PRDM6: variants seen among roughly 807,000 people sequenced by gnomAD.
The protein encoded by PRDM6 is putative histone-lysine N-methyltransferase PRDM6.
PRDM6 carries 25 observed loss-of-function variants against 60.8 expected under a neutral mutation model. That is an observed-to-expected ratio of 0.41 (90% CI 0.30 to 0.57). The LOEUF (loss-of-function observed/expected upper bound fraction) is 0.57, where lower values mean the gene tolerates loss of function less well. Among genes scored for constraint, PRDM6 ranks in the 20% least tolerant of loss-of-function variants. PRDM6 has a pLI of 0.27. For missense variants in PRDM6, 839 were observed against 821.3 expected (o/e 1.02, Z -0.26); for synonymous variants, 407 against 357.4 (o/e 1.14, Z -1.57).
chr5:123,181,692 TAGGAGACTAATCCCCC>T (rs1028061901), intron 7 of PRDM6, among the ~76,000 whole-genome samples: 1 of 152,198 alleles, frequency 6.6e-6, no homozygotes, highest in Non-Finnish European at 1.5e-5. Context: ...ATTCAGGCAG[TAGGAGACTAATCCCCC>T]TGCTCAGTCT....
At chr5:123,101,610 C>G (rs1052070920) in intron 3 of PRDM6, among the ~76,000 whole-genome samples, 1 of 152,166 alleles carries the variant, frequency 6.6e-6, no homozygotes, top group African/African-American at 2.4e-5. Flanking sequence ...TACAAATTTA[C>G]TCTACCTGAA....
At position 123,161,752 on chromosome 5, in the gene PRDM6, C is replaced by G. The variant is rs186823072; in HGVS notation, c.1153+2114C>G. 2.7e-3 allele frequency among the ~76,000 whole-genome samples: 415 copies of G among 152,312 alleles called. 2 individuals are homozygous for G. Among genetic ancestry groups the G allele is most frequent in the African/African-American group, 9.9e-3 (410 of 41,556 alleles). On this transcript the variant is annotated intron_variant, in intron 5 of 7. Coordinates refer to ENST00000407847, the MANE Select transcript of PRDM6 (RefSeq NM_001136239.4). ...CTTGTAGGGCCCTAGAGGCCATTGT[C>G]AGGACCCTGGCTCTAACTCTGTGTG... is the stretch of plus-strand genomic sequence containing the variant.
intron 2 of PRDM6, among the ~76,000 whole-genome samples, chr5:123,094,568 G>A (rs1763916447): frequency 3.3e-5 from 5 of 152,080 alleles, no homozygotes; most frequent in Admixed American, 3.3e-4. Context: ...TTAGATTGAG[G>A]TTAGAAGAGG....
intron 3 of PRDM6, among the ~76,000 whole-genome samples, chr5:123,118,990 A>C (rs955719561): frequency 2.6e-5 from 4 of 152,174 alleles, no homozygotes; most frequent in African/African-American, 9.6e-5. Flanking sequence ...AATGGCACTG[A>C]GTTGTGTTCA....
chr5:123,159,121 G>A (rs1765571261), intron 4 of PRDM6, among the ~76,000 whole-genome samples: 2 of 152,122 alleles, frequency 1.3e-5, no homozygotes, highest in African/African-American at 2.4e-5. Context: ...TACATTTAAT[G>A]CTTTTCCTTC....
chr5:123,115,954 C>T (rs552337238), intron 3 of PRDM6, among the ~76,000 whole-genome samples: 1 of 152,312 alleles, frequency 6.6e-6, no homozygotes, highest in African/African-American at 2.4e-5. Flanking sequence ...CACAGAGGAA[C>T]TCCCTCTATA....
At chr5:123,100,436 G>A (rs1764075627) in intron 3 of PRDM6, among the ~76,000 whole-genome samples, 1 of 152,220 alleles carries the variant, frequency 6.6e-6, no homozygotes, top group Non-Finnish European at 1.5e-5. Context: ...AGGGGAGGAA[G>A]GAGAGGCTGG....
At chr5:123,135,335 C>T (rs1764930763) in intron 3 of PRDM6, among the ~76,000 whole-genome samples, 1 of 152,114 alleles carries the variant, frequency 6.6e-6, no homozygotes, top group Non-Finnish European at 1.5e-5. Context: ...ATCTTTAAGG[C>T]AACATTAAGA....
Position 123,189,319 on chromosome 5 carries a change from A to G in PRDM6, c.*2118A>G, listed in dbSNP as rs537197121. 2 of 152,296 alleles carry G rather than the reference A, an allele frequency of 1.3e-5. No homozygotes were observed. Among genetic ancestry groups the G allele is most frequent in the South Asian group, 4.1e-4 (2 of 4,820 alleles). 9.4% of individuals were successfully genotyped at this position (152,296 alleles called of 1,614,324 possible). On this transcript the variant is annotated 3_prime_UTR_variant, in exon 8 of 8. Transcript: ENST00000407847. ...GATTTACTCAAACTTTTTGAAAACA[A>G]CAGTAGGGAATCACCTGTATATTTC... is the stretch of plus-strand genomic sequence containing the variant.
At chr5:123,151,352 G>A (rs1765365675) in intron 3 of PRDM6, among the ~76,000 whole-genome samples, 2 of 152,120 alleles carry the variant, frequency 1.3e-5, no homozygotes, top group African/African-American at 2.4e-5. Context: ...GAACCCGTTC[G>A]GGGAGGAGCA....
intron 3 of PRDM6, among the ~76,000 whole-genome samples, chr5:123,141,536 T>G (rs1765101463): frequency 1.3e-5 from 2 of 152,164 alleles, no homozygotes; most frequent in Non-Finnish European, 1.5e-5. Flanking sequence ...TTTTGCTTAC[T>G]CTATAGAGTT....
chr5:123,186,680 C>T lies in PRDM6; in HGVS notation c.1674-407C>T, dbSNP rs1766295865. Reference sequence around the variant, plus strand: ...TGCTGTTCTGAAGGGAGTAGAATTCCCAATTGTAAATTAGCAGTAGGTGAA... The same window carrying T: ...TGCTGTTCTGAAGGGAGTAGAATTCTCAATTGTAAATTAGCAGTAGGTGAA... On this transcript the variant is annotated intron_variant, in intron 7 of 7. Coordinates refer to ENST00000407847, the MANE Select transcript of PRDM6 (RefSeq NM_001136239.4). 2.0e-5 allele frequency among the ~76,000 whole-genome samples: 3 copies of T among 152,160 alleles called. No individual in the cohort carries two copies. In the South Asian group the frequency reaches 6.2e-4, roughly 32 times the overall value.
At chr5:123,163,226 TTTG>T (rs1165570412) in intron 5 of PRDM6, among the ~76,000 whole-genome samples, 2 of 152,232 alleles carry the variant, frequency 1.3e-5, no homozygotes, top group African/African-American at 2.4e-5. Context: ...AGGCAGATTT[TTTG>T]TTGTTGTTAA....
At chr5:123,121,430 A>G (rs74661587) in intron 3 of PRDM6, among the ~76,000 whole-genome samples, 25,205 of 152,002 alleles carry the variant, frequency 0.17, 2,528 homozygotes, top group East Asian at 0.51. Flanking sequence ...TCACCCAGAC[A>G]GGAGTGCAGT....
chr5:123,118,896 G>C (rs1764516717), intron 3 of PRDM6, among the ~76,000 whole-genome samples: 1 of 152,146 alleles, frequency 6.6e-6, no homozygotes, highest in Admixed American at 6.5e-5. Context: ...GAACAAAAGA[G>C]GAGTGTCTTA....
chr5:123,159,682 A>G, intron 5 of PRDM6, 44 bp downstream of exon 5: 1 of 1,536,384 alleles, frequency 6.5e-7, no homozygotes, highest in Non-Finnish European at 8.8e-7. Context: ...CAATATACCT[A>G]TTTCAAAGCT....
At chr5:123,156,308 A>T (rs919671922) in intron 4 of PRDM6, among the ~76,000 whole-genome samples, 24 of 152,174 alleles carry the variant, frequency 1.6e-4, no homozygotes, top group African/African-American at 5.8e-4. Context: ...CAGCAAACCC[A>T]CTGACTTGGG....
At chr5:123,114,317 C>T (rs993459273) in intron 3 of PRDM6, among the ~76,000 whole-genome samples, 2 of 152,240 alleles carry the variant, frequency 1.3e-5, no homozygotes, top group East Asian at 1.9e-4. Context: ...CTAATTTTCA[C>T]TGCTGTGATT....
chr5:123,113,018 A>C (rs1764351369), intron 3 of PRDM6, among the ~76,000 whole-genome samples: 1 of 152,164 alleles, frequency 6.6e-6, no homozygotes, highest in Admixed American at 6.5e-5. Context: ...GTTTTAAAAT[A>C]TTAATAGACA....
Sources: allele counts gnomAD v4.1 joint callset (sites outside exome capture counted in the v4.1 genomes callset), GRCh38; gene constraint gnomAD v4.1.1; transcripts MANE v1.5; gene names NCBI Gene and HGNC (gene_info 2026-07-23, HGNC 2026-07-21).